The following PPP1CC variants were observed in gnomAD, a reference collection of about 807,000 sequenced individuals.
PPP1CC encodes protein phosphatase 1 catalytic subunit gamma.
PPP1CC carries 16 observed loss-of-function variants against 38.4 expected under a neutral mutation model. The ratio of observed to expected loss-of-function variants is 0.42; its 90% CI spans 0.28 to 0.63. The LOEUF is 0.63. Ranked by LOEUF, PPP1CC falls within the 30% of genes least tolerant of loss-of-function variation. PPP1CC has a pLI of 0.25. For missense variants in PPP1CC, 170 were observed against 391.3 expected, an observed-to-expected ratio of 0.43 and a Z score of 4.77; for synonymous variants, 158 against 136.0, an observed-to-expected ratio of 1.16 and a Z score of -1.13.
At chr12:110,727,407 C>T (rs1007751388) in intron 3 of PPP1CC, among the ~76,000 whole-genome samples, 30 of 152,112 alleles carry the variant, frequency 2.0e-4, no homozygotes. Context: ...CTAAGGCTAC[C>T]TCAGACCACT....
chr12:110,736,586 T>C (rs762698647), intron 1 of PPP1CC, among the ~76,000 whole-genome samples: 60 of 152,082 alleles, frequency 3.9e-4, no homozygotes, highest in Middle Eastern at 3.4e-3. Context: ...AGATGCTGCA[T>C]TGAGCCGAGA....
the PPP1CC span, among the ~76,000 whole-genome samples, chr12:110,709,050 A>C: frequency 2.6e-5 from 4 of 152,026 alleles, no homozygotes; most frequent in African/African-American, 9.7e-5. Flanking sequence ...AAAAAATCAC[A>C]ACACACACAG....
chr12:110,742,394 A>G (rs1466187140), intron 1 of PPP1CC, among the ~76,000 whole-genome samples: 2 of 152,232 alleles, frequency 1.3e-5, no homozygotes, highest in African/African-American at 4.8e-5. Flanking sequence ...GAGTTTTCAA[A>G]TTCCACGGCC....
the PPP1CC span, among the ~76,000 whole-genome samples, chr12:110,712,807 C>G: frequency 1.3e-3 from 196 of 151,792 alleles, no homozygotes; most frequent in Non-Finnish European, 2.1e-3. Flanking sequence ...CGTGGTGGCT[C>G]ACACCTGTAA....
chr12:110,736,636 C>A (rs1053511639), intron 1 of PPP1CC, among the ~76,000 whole-genome samples: 11 of 152,038 alleles, frequency 7.2e-5, no homozygotes, highest in Admixed American at 5.9e-4. Flanking sequence ...AGAGTGAGAT[C>A]CTGTCTCAAA....
At chr12:110,742,137 C>T (rs1246756197) in intron 1 of PPP1CC, among the ~76,000 whole-genome samples, 1 of 152,084 alleles carries the variant, frequency 6.6e-6, no homozygotes, top group South Asian at 2.1e-4. Flanking sequence ...AAGAAATGGG[C>T]CCCCCAAGAC....
chr12:110,718,143 G>A (rs1304037738), downstream of PPP1CC, among the ~76,000 whole-genome samples: 3 of 152,094 alleles, frequency 2.0e-5, no homozygotes, highest in Admixed American at 6.6e-5. Context: ...TATGTTACTC[G>A]AGAACTCTGG....
At chr12:110,732,947 T>C (rs953416017) in intron 1 of PPP1CC, 1 of 152,240 alleles carries the variant, frequency 6.6e-6, no homozygotes, top group Admixed American at 6.5e-5. Context: ...AAGTTCACTT[T>C]TGGACCCCAA....
Position 110,720,718 on chromosome 12 carries a change from C to A in PPP1CC, c.*358G>T. 1 of 202,512 alleles carries A rather than the reference C, an allele frequency of 4.9e-6. No homozygotes were observed. The highest frequency in any genetic ancestry group is 1.0e-5 in the Non-Finnish European group (1 of 99,388). The allele number at this position is 202,512 out of a possible 1,614,324, so 12.5% of individuals were successfully genotyped here. A position where few individuals can be genotyped will look rare whatever the true frequency, so the allele number is the denominator to read the frequency against. On this transcript the variant is annotated 3_prime_UTR_variant, in exon 7 of 7. Transcript: ENST00000335007. Reference sequence around the variant, plus strand: ...AGCACCCTAGGGCTCTCTTTATGTCCTAAAGAAAATGAGCATTTACATGAT... The same window carrying A: ...AGCACCCTAGGGCTCTCTTTATGTCATAAAGAAAATGAGCATTTACATGAT...
chr12:110,713,422 C>T, the PPP1CC span, among the ~76,000 whole-genome samples: 10 of 152,084 alleles, frequency 6.6e-5, no homozygotes, highest in South Asian at 2.1e-4. Flanking sequence ...CGTGAGCCAC[C>T]GTGCCTGGCC....
At chr12:110,738,344 A>G (rs1299057880) in intron 1 of PPP1CC, among the ~76,000 whole-genome samples, 1 of 152,198 alleles carries the variant, frequency 6.6e-6, no homozygotes, top group Non-Finnish European at 1.5e-5. Context: ...CTTGGTCTTG[A>G]ATGACTTTCC....
rs569273182 is a variant in PPP1CC, at chr12:110,736,569, G to A, written c.56-4668C>T. ...TAAGATGGGAGGATCACTTGAGCCC[G>A]GGAGACAGATGCTGCATTGAGCCGA... is the stretch of plus-strand genomic sequence containing the variant. On this transcript the variant is annotated intron_variant, in intron 1 of 6. Transcript: ENST00000335007. 2.3e-4 allele frequency among the ~76,000 whole-genome samples: 35 copies of A among 152,236 alleles called. 1 individual carries two copies. Among genetic ancestry groups the A allele is most frequent in the South Asian group, 1.7e-3 (8 of 4,828 alleles).
chr12:110,712,866 G>C, the PPP1CC span, among the ~76,000 whole-genome samples: 1 of 151,794 alleles, frequency 6.6e-6, no homozygotes, highest in Non-Finnish European at 1.5e-5. Context: ...GAGGTAGGGA[G>C]TTCGAGACCA....
Sources: gnomAD v4.1 joint callset for allele counts (sites outside exome capture counted in the v4.1 genomes callset) on GRCh38, gnomAD v4.1.1 for gene constraint, MANE v1.5 for transcripts, NCBI Gene and HGNC (gene_info 2026-07-23, HGNC 2026-07-21) for gene names.